SYNE1: variants seen among roughly 807,000 people sequenced by gnomAD.
SYNE1 encodes spectrin repeat containing nuclear envelope protein 1, also known as nesprin-1.
In SYNE1, 616 loss-of-function variants were observed where a neutral mutation model predicts 1,111.0. That is an observed-to-expected ratio of 0.55 (90% confidence interval 0.52 to 0.59). The LOEUF is 0.59. SYNE1 is among the 20% of genes least tolerant of loss of function. The probability of loss-of-function intolerance (pLI) is 0.00; values close to 1 mark genes in which losing one functional copy is unlikely to be tolerated. For synonymous variants in SYNE1, 3,855 were observed against 3,825.8 expected (o/e 1.01, Z -0.28); for missense variants, 10,006 against 10,417.0 (o/e 0.96, Z 1.72).
chr6:152,368,928 C>T lies in SYNE1; in HGVS notation c.9807+44G>A, dbSNP rs114170035. ...AGAACCTGCTGCAACTCCAATTTTGCGACATCAGTATCACACTCACACACA... is the reference window on the plus strand; with the variant it reads ...AGAACCTGCTGCAACTCCAATTTTGTGACATCAGTATCACACTCACACACA... On this transcript the variant is annotated intron_variant, in intron 61 of 145. Coordinates refer to ENST00000367255, the MANE Select transcript of SYNE1 (RefSeq NM_182961.4). The T allele has an allele frequency of 5.6e-3, 9,056 of 1,613,056 alleles. 116 individuals are homozygous for T. The highest frequency in any genetic ancestry group is 0.053 in the African/African-American group (3,947 of 75,000).
intron 137 of SYNE1, 149 bp from the exon 138 acceptor site, chr6:152,143,914 C>A: frequency 8.8e-7 from 1 of 1,134,570 alleles, no homozygotes; most frequent in South Asian, 1.3e-5. Context: ...TTAGTACCAT[C>A]GTGCCGGTGG....
At chr6:152,503,192 T>TAC (rs1192230152) in intron 9 of SYNE1, among the ~76,000 whole-genome samples, 4 of 152,070 alleles carry the variant, frequency 2.6e-5, no homozygotes, top group Admixed American at 6.6e-5. Flanking sequence ...TATATATATA[T>TAC]ACACACACTA....
At chr6:152,251,918 C>CA (rs2089426593) in intron 104 of SYNE1, among the ~76,000 whole-genome samples, 1 of 151,240 alleles carries the variant, frequency 6.6e-6, no homozygotes, top group Non-Finnish European at 1.5e-5. Context: ...ATTGGCAGGG[C>CA]AAAAAGGAGC....
At chr6:152,336,181 G>A (rs1034843010) in intron 76 of SYNE1, 2 of 96,864 alleles carry the variant, frequency 2.1e-5, no homozygotes, top group Non-Finnish European at 4.8e-5. Flanking sequence ...TGTTTGCTTA[G>A]TCACAGAGTT....
chr6:152,362,642 G>A (rs1268333991), intron 63 of SYNE1, among the ~76,000 whole-genome samples: 1 of 152,172 alleles, frequency 6.6e-6, no homozygotes, highest in Non-Finnish European at 1.5e-5. Context: ...TCCCCTGAGT[G>A]GGTCTTTTCT....
intron 21 of SYNE1, among the ~76,000 whole-genome samples, chr6:152,461,356 T>C (rs2098733155): frequency 6.6e-6 from 1 of 152,220 alleles, no homozygotes; most frequent in African/African-American, 2.4e-5. Flanking sequence ...CCCAAAAGTA[T>C]CTAACTTTCT....
At chr6:152,218,531 T>C (rs2079301417) in intron 120 of SYNE1, 128 bp from the exon 121 acceptor site, 1 of 1,036,186 alleles carries the variant, frequency 9.7e-7, no homozygotes, top group Non-Finnish European at 1.4e-6. Flanking sequence ...ATTGCCATTC[T>C]CTAGACGTTC....
At chr6:152,306,285 A>G (rs2095369693) in intron 91 of SYNE1, among the ~76,000 whole-genome samples, 1 of 152,132 alleles carries the variant, frequency 6.6e-6, no homozygotes, top group Non-Finnish European at 1.5e-5. Context: ...CAGGAGTTCA[A>G]TACCAGCCTG....
chr6:152,610,773 C>G (rs2099629006), intron 3 of SYNE1, among the ~76,000 whole-genome samples: 1 of 152,110 alleles, frequency 6.6e-6, no homozygotes, highest in Admixed American at 6.5e-5. Flanking sequence ...AAAGGGAAGC[C>G]CATCAGACTA....
chr6:152,333,984 G>A, intron 77 of SYNE1, 24 bp downstream of exon 77: 1 of 1,613,962 alleles, frequency 6.2e-7, no homozygotes, highest in Non-Finnish European at 8.5e-7. Flanking sequence ...GCATTTTGGT[G>A]ACCCATGGGA....
At chr6:152,493,593 T>C (rs955944550) in intron 11 of SYNE1, among the ~76,000 whole-genome samples, 1 of 152,020 alleles carries the variant, frequency 6.6e-6, no homozygotes, top group Non-Finnish European at 1.5e-5. Flanking sequence ...TAGCCCCTCC[T>C]ACAGATCTTC....
At chr6:152,369,800 T>C (rs1047315291) in intron 59 of SYNE1, among the ~76,000 whole-genome samples, 186 bp from the exon 60 acceptor site, 2 of 151,672 alleles carry the variant, frequency 1.3e-5, no homozygotes, top group African/African-American at 4.8e-5. Flanking sequence ...CTAGGCAACA[T>C]GATGAGACCC....
At chr6:152,214,780 C>G (rs1173524855) in intron 122 of SYNE1, 126 bp downstream of exon 122, 1 of 1,333,224 alleles carries the variant, frequency 7.5e-7, no homozygotes, top group African/African-American at 1.4e-5. Context: ...TTCCCAGTCT[C>G]CAGAACTGTG....
At chr6:152,328,643 C>T (rs1484096315) in intron 78 of SYNE1, among the ~76,000 whole-genome samples, 4 of 151,860 alleles carry the variant, frequency 2.6e-5, no homozygotes, top group South Asian at 2.1e-4. Context: ...AACTCCTGAC[C>T]TCAGGTGATC....
chr6:152,543,785 G>A lies in SYNE1; in HGVS notation c.68-3764C>T, dbSNP rs557994224. Among the ~76,000 whole-genome samples, 3 of 152,276 alleles carry A rather than the reference G, an allele frequency of 2.0e-5. No homozygotes were observed. In the East Asian group the frequency reaches 5.8e-4, roughly 29 times the overall value. On this transcript the variant is annotated intron_variant, in intron 3 of 145. Coordinates refer to ENST00000367255, the MANE Select transcript of SYNE1 (RefSeq NM_182961.4). ...CTTTTTCTATATTTAGACATGTTCAGATACACAAAATACTTACCATGTGCT... is the reference window on the plus strand; with the variant it reads ...CTTTTTCTATATTTAGACATGTTCAAATACACAAAATACTTACCATGTGCT...
At chr6:152,552,465 A>ATACTTATG (rs2099350601) in intron 3 of SYNE1, among the ~76,000 whole-genome samples, 1 of 148,456 alleles carries the variant, frequency 6.7e-6, no homozygotes. Flanking sequence ...TTTATATTAT[A>ATACTTATG]TATTTATATA....
chr6:152,373,073 A>G lies in SYNE1; in HGVS notation c.9471T>C (p.Phe3157=), dbSNP rs2154096964. 6.2e-7 allele frequency: 1 copy of G among 1,614,188 alleles called. No homozygotes were observed. Among genetic ancestry groups the G allele is most frequent in the Non-Finnish European group, 8.5e-7 (1 of 1,180,036 alleles). The change falls in exon 59 of 146, where the codon TTT becomes TTC. Residue 3157 remains phenylalanine, a synonymous_variant. Transcript: ENST00000367255. ...VTAAKEDWKN[F]HSNLHQKESA... is the part of the protein sequence containing the mutation. ...ATTCTTTTTGGTGGAGATTTGAATGAAAATTTTTCCAATCTTCTTTTGCAG... is the reference window on the plus strand; with the variant it reads ...ATTCTTTTTGGTGGAGATTTGAATGGAAATTTTTCCAATCTTCTTTTGCAG...
intron 95 of SYNE1, among the ~76,000 whole-genome samples, chr6:152,286,105 T>C (rs2094313026): frequency 6.6e-6 from 1 of 152,182 alleles, no homozygotes; most frequent in Non-Finnish European, 1.5e-5. Flanking sequence ...CAAAAACCCC[T>C]TATCTTTTCC....
Position 152,193,327 on chromosome 6 carries a change from G to A in SYNE1, c.23146-3920C>T, listed in dbSNP as rs146737411. Among the ~76,000 whole-genome samples, 739 of 152,200 alleles carry A rather than the reference G, an allele frequency of 4.9e-3. 6 individuals carry two copies. The highest frequency in any genetic ancestry group is 0.017 in the African/African-American group (708 of 41,524). On this transcript the variant is annotated intron_variant, in intron 127 of 145. Transcript: ENST00000367255. ...ACAACTTAATACTGATTGCATAAAT[G>A]AGCAAACTAACAAACAAGCAAAAAG...
Sources: allele counts gnomAD v4.1 joint callset (sites outside exome capture counted in the v4.1 genomes callset), GRCh38; gene constraint gnomAD v4.1.1; transcripts MANE v1.5; gene names NCBI Gene and HGNC (gene_info 2026-07-23, HGNC 2026-07-21).